Variants in LIN28B observed in about 807,000 individuals in gnomAD.
The protein encoded by LIN28B is protein lin-28 homolog B.
In LIN28B, 5 loss-of-function variants were observed where a neutral mutation model predicts 21.9. That is an observed-to-expected ratio of 0.23 (90% CI 0.12 to 0.48). LIN28B has a LOEUF of 0.48. Among genes scored for constraint, LIN28B ranks in the 20% least tolerant of loss-of-function variants. LIN28B has a pLI of 0.98. For missense variants in LIN28B, 245 were observed against 310.5 expected (o/e 0.79, Z 1.58); for synonymous variants, 109 against 111.3 (o/e 0.98, Z 0.13).
At chr6:104,969,910 A>G (rs1033739235) in intron 2 of LIN28B, among the ~76,000 whole-genome samples, 4 of 152,338 alleles carry the variant, frequency 2.6e-5, no homozygotes, top group Non-Finnish European at 4.4e-5. Context: ...AGGTTTAAAC[A>G]AACACAAAAC....
At chr6:104,964,650 A>C (rs1454051660) in intron 2 of LIN28B, among the ~76,000 whole-genome samples, 1 of 152,224 alleles carries the variant, frequency 6.6e-6, no homozygotes, top group African/African-American at 2.4e-5. Context: ...CTAATATCAT[A>C]AAAGTTGATA....
At chr6:104,953,734 G>GAGCGAC (rs1778249950), upstream of LIN28B, among the ~76,000 whole-genome samples, 1 of 152,206 alleles carries the variant, frequency 6.6e-6, no homozygotes, top group African/African-American at 2.4e-5. Flanking sequence ...GCCGCCTGGG[G>GAGCGAC]AGCGACCTGC....
intron 2 of LIN28B, among the ~76,000 whole-genome samples, chr6:104,974,894 A>T (rs1770055393): frequency 6.6e-6 from 1 of 151,990 alleles, no homozygotes. Context: ...ATCTCTGTTC[A>T]TTGCAACCTC....
chr6:105,000,159 C>A (rs1770692479), intron 2 of LIN28B, among the ~76,000 whole-genome samples: 1 of 112,668 alleles, frequency 8.9e-6, no homozygotes, highest in Non-Finnish European at 2.1e-5. Flanking sequence ...AAACCATGGT[C>A]TTAAAATGTT....
intron 2 of LIN28B, among the ~76,000 whole-genome samples, chr6:104,943,640 T>A (rs561334971): frequency 7.4e-4 from 112 of 152,284 alleles, no homozygotes; most frequent in African/African-American, 2.6e-3. Flanking sequence ...CGTTTTCTTA[T>A]TAGGTATTTT....
chr6:105,038,675 A>G (rs1447257172), intron 3 of LIN28B, among the ~76,000 whole-genome samples: 2 of 152,230 alleles, frequency 1.3e-5, no homozygotes, highest in Non-Finnish European at 2.9e-5. Flanking sequence ...ATCTAGCATC[A>G]TTAATATAAA....
intron 2 of LIN28B, among the ~76,000 whole-genome samples, chr6:105,015,894 A>C (rs1418698070): frequency 2.0e-5 from 3 of 152,182 alleles, no homozygotes. Context: ...AACAAAGCTT[A>C]CTATGGGGAG....
chr6:105,072,662 A>G (rs1442042904), intron 3 of LIN28B, among the ~76,000 whole-genome samples: 2 of 152,218 alleles, frequency 1.3e-5, no homozygotes, highest in Admixed American at 6.5e-5. Flanking sequence ...TACTTAGAAT[A>G]TATAAAAATT....
rs532004311 is a variant in LIN28B at position 104,975,841 on chromosome 6, CT to C, written c.198+17571del. On this transcript the variant is annotated intron_variant, in intron 2 of 3. Transcript: ENST00000345080. Reference sequence around the variant, plus strand: ...AGCTAATTCTTTTCTTCTTCTTCTTCTTTTTTTTTTTTTTTTGTAGAGTTGG... The same window carrying C: ...AGCTAATTCTTTTCTTCTTCTTCTTCTTTTTTTTTTTTTTTGTAGAGTTGG... Among the ~76,000 whole-genome samples, 518 of 135,356 alleles carry C rather than the reference CT, an allele frequency of 3.8e-3. 1 individual carries two copies. Among genetic ancestry groups the C allele is most frequent in the Admixed American group, 6.1e-3 (80 of 13,188 alleles). The allele number at this position is 135,356 out of a possible 152,430, so 88.8% of individuals were successfully genotyped here. A position where few individuals can be genotyped will look rare whatever the true frequency, so the allele number is the denominator to read the frequency against.
At chr6:105,047,563 T>G (rs1359433803) in intron 3 of LIN28B, among the ~76,000 whole-genome samples, 2 of 152,000 alleles carry the variant, frequency 1.3e-5, no homozygotes, top group African/African-American at 4.8e-5. Context: ...AGAAAGTCAT[T>G]CGTAGCTTGA....
chr6:105,023,590 A>ATTT (rs1771213972), intron 2 of LIN28B, among the ~76,000 whole-genome samples: 2 of 59,030 alleles, frequency 3.4e-5, no homozygotes, highest in African/African-American at 6.7e-5. Flanking sequence ...TATATTATAT[A>ATTT]TATTATATAT....
intron 3 of LIN28B, among the ~76,000 whole-genome samples, chr6:105,046,172 C>G (rs1331540677): frequency 6.6e-6 from 1 of 152,054 alleles, no homozygotes; most frequent in African/African-American, 2.4e-5. Context: ...CCCCCTCCCT[C>G]CACCCCATGA....
rs565559598 is a variant in LIN28B, at chr6:104,981,712, C to A, written c.198+23426C>A. ...TTCCTAGCTCTTGCTGACTTCCCAG[C>A]AAAAAGGAAGAGAAAGCAATTTTAA... On this transcript the variant is annotated intron_variant, in intron 2 of 3. Transcript: ENST00000345080. 2.0e-4 allele frequency among the ~76,000 whole-genome samples: 31 copies of A among 152,180 alleles called. No individual in the cohort carries two copies. In the South Asian group the frequency reaches 4.4e-3, roughly 21 times the overall value.
rs1191972419 is a variant in LIN28B, at chr6:104,964,668, T to A, written c.198+6382T>A. On this transcript the variant is annotated intron_variant, in intron 2 of 3. Coordinates refer to ENST00000345080, the MANE Select transcript of LIN28B (RefSeq NM_001004317.4). ...ATATCATAAAAGTTGATAACAGTAA[T>A]GTGTTTAAGAAAGTACATTGCAGGT... 2.0e-5 allele frequency among the ~76,000 whole-genome samples: 3 copies of A among 152,194 alleles called. No homozygotes were observed. The South Asian group carries it at 6.2e-4, about 32-fold the overall frequency.
chr6:105,006,278 G>T (rs967467004), intron 2 of LIN28B, among the ~76,000 whole-genome samples: 6 of 152,030 alleles, frequency 3.9e-5, no homozygotes, highest in Non-Finnish European at 7.4e-5. Context: ...GTTCCACTCA[G>T]CATAGTCTAG....
intron 3 of LIN28B, among the ~76,000 whole-genome samples, chr6:105,033,384 A>C: frequency 6.6e-6 from 1 of 152,084 alleles, no homozygotes; most frequent in Non-Finnish European, 1.5e-5. Context: ...TTTTGTGAAG[A>C]GTTACTCCCT....
Position 105,078,759 on chromosome 6 carries a change from A to G in LIN28B, c.729A>G (p.Ser243=). Residue 243 remains serine (S), a synonymous_variant, in exon 4 of 4, where the codon TCA becomes TCG. Coordinates refer to ENST00000345080, the MANE Select transcript of LIN28B (RefSeq NM_001004317.4). ...APEEQSKKGP[S]VQKRKKT ...AAGAGCAAAGCAAAAAGGGGCCTTCAGTTCAAAAAAGGAAAAAGACATAAC... is the reference window on the plus strand; with the variant it reads ...AAGAGCAAAGCAAAAAGGGGCCTTCGGTTCAAAAAAGGAAAAAGACATAAC... 1 of 1,613,274 alleles carries G rather than the reference A, an allele frequency of 6.2e-7. No homozygotes were observed. Among genetic ancestry groups the G allele is most frequent in the Non-Finnish European group, 8.5e-7 (1 of 1,179,626 alleles).
rs1772531224 is a variant in LIN28B at position 105,080,882 on chromosome 6, A to T, written c.*2099A>T. ...GTTCCTTCACCTTATGGAAATAGGAAATTATGGACTTCAAAATTGGACACT... is the reference window on the plus strand; with the variant it reads ...GTTCCTTCACCTTATGGAAATAGGATATTATGGACTTCAAAATTGGACACT... On this transcript the variant is annotated 3_prime_UTR_variant, in exon 4 of 4. Transcript: ENST00000345080. The T allele has an allele frequency of 6.6e-6, 1 of 152,634 alleles. No homozygotes were observed. Among genetic ancestry groups the T allele is most frequent in the Non-Finnish European group, 1.5e-5 (1 of 68,038 alleles). The allele number at this position is 152,634 out of a possible 1,614,324, so 9.5% of individuals were successfully genotyped here. A position where few individuals can be genotyped will look rare whatever the true frequency, so the allele number is the denominator to read the frequency against.
intron 2 of LIN28B, among the ~76,000 whole-genome samples, chr6:105,023,184 T>C (rs1433537102): frequency 8.6e-6 from 1 of 116,166 alleles, no homozygotes; most frequent in Non-Finnish European, 1.7e-5. Flanking sequence ...TGTCTTTTTC[T>C]TGCAAAGCCA....
Sources: allele counts gnomAD v4.1 joint callset (sites outside exome capture counted in the v4.1 genomes callset), GRCh38; gene constraint gnomAD v4.1.1; transcripts MANE v1.5; gene names NCBI Gene and HGNC (gene_info 2026-07-23, HGNC 2026-07-21).